Variants in GNG2 observed in about 807,000 individuals in gnomAD.
GNG2 encodes the protein guanine nucleotide-binding protein G(I)/G(S)/G(O) subunit gamma-2.
In GNG2, 5 loss-of-function variants were observed where a neutral mutation model predicts 5.5. The ratio of observed to expected loss-of-function variants is 0.91; its 90% confidence interval spans 0.48 to 1.92. The LOEUF (loss-of-function observed/expected upper bound fraction) is 1.92. GNG2 is among the 30% of genes most tolerant of loss of function. The pLI is 0.01. For synonymous variants in GNG2, 28 were observed against 32.0 expected, an observed-to-expected ratio of 0.88 and a Z score of 0.42; for missense variants, 55 against 88.4, an observed-to-expected ratio of 0.62 and a Z score of 1.52.
chr14:51,894,242 GTTTTA>G (rs1274120506), intron 2 of GNG2, among the ~76,000 whole-genome samples: 4 of 152,036 alleles, frequency 2.6e-5, no homozygotes, highest in Non-Finnish European at 5.9e-5. Context: ...ATATATCGTA[GTTTTA>G]TTTTAAAGTG....
At chr14:51,857,957 C>A (rs1472359571), upstream of GNG2, among the ~76,000 whole-genome samples, 1 of 152,164 alleles carries the variant, frequency 6.6e-6, no homozygotes, top group Non-Finnish European at 1.5e-5. Flanking sequence ...AAAATTATGT[C>A]CTCCTCATTA....
At chr14:51,879,686 C>A (rs372646295) in intron 2 of GNG2, among the ~76,000 whole-genome samples, 1 of 152,194 alleles carries the variant, frequency 6.6e-6, no homozygotes, top group African/African-American at 2.4e-5. Context: ...CCTCTCCATG[C>A]GTCTTTCTAC....
At chr14:51,863,430 A>C (rs1882659561) in intron 1 of GNG2, among the ~76,000 whole-genome samples, 1 of 152,108 alleles carries the variant, frequency 6.6e-6, no homozygotes, top group South Asian at 2.1e-4. Context: ...CTGAAATGTT[A>C]TTTTTTTCTT....
At chr14:51,929,923 C>T (rs777996072) in intron 2 of GNG2, among the ~76,000 whole-genome samples, 6 of 152,056 alleles carry the variant, frequency 3.9e-5, no homozygotes, top group South Asian at 2.1e-4. Flanking sequence ...ATTATCTGTC[C>T]CTGTCAGCCA....
upstream of GNG2, among the ~76,000 whole-genome samples, chr14:51,860,199 C>A (rs921519803): frequency 3.5e-5 from 5 of 141,460 alleles, no homozygotes; most frequent in African/African-American, 1.4e-4. Context: ...GGGGCCAGAA[C>A]CTGGCCAGGG....
At chr14:51,835,010 G>T (rs1019536574) in intron 2 of GNG2, among the ~76,000 whole-genome samples, 6 of 152,206 alleles carry the variant, frequency 3.9e-5, no homozygotes, top group Non-Finnish European at 7.3e-5. Context: ...AACCAAGGTA[G>T]CAGAATGTAA....
chr14:51,907,841 GTCTT>G (rs1458934880), intron 2 of GNG2, among the ~76,000 whole-genome samples: 1 of 152,132 alleles, frequency 6.6e-6, no homozygotes, highest in Non-Finnish European at 1.5e-5. Flanking sequence ...TTAGTTGCTG[GTCTT>G]TACCGATTTA....
intron 2 of GNG2, among the ~76,000 whole-genome samples, chr14:51,829,636 A>G (rs1217689142): frequency 1.3e-5 from 2 of 151,958 alleles, no homozygotes; most frequent in Admixed American, 6.6e-5. Flanking sequence ...TTTAGAGTAA[A>G]TCCCTTAAAA....
chr14:51,851,285 T>C (rs916966122), intron 2 of GNG2, among the ~76,000 whole-genome samples: 1 of 150,142 alleles, frequency 6.7e-6, no homozygotes, highest in Non-Finnish European at 1.5e-5. Flanking sequence ...CCCATATGCA[T>C]ACTCATCATT....
At chr14:51,883,591 G>A (rs951041874) in intron 2 of GNG2, among the ~76,000 whole-genome samples, 1 of 152,168 alleles carries the variant, frequency 6.6e-6, no homozygotes, top group Non-Finnish European at 1.5e-5. Flanking sequence ...TTCATGTTTG[G>A]TGTGTGAATT....
chr14:51,961,768 C>T (rs954034001), intron 3 of GNG2, among the ~76,000 whole-genome samples: 5 of 152,220 alleles, frequency 3.3e-5, no homozygotes, highest in East Asian at 1.9e-4. Context: ...GAATATGTGA[C>T]ACTCTGAGGC....
intron 2 of GNG2, among the ~76,000 whole-genome samples, chr14:51,847,910 T>G (rs6572798): frequency 1.5e-5 from 1 of 65,422 alleles, no homozygotes; most frequent in South Asian, 5.1e-4. Flanking sequence ...TTTTTTTTTG[T>G]AAAATGAAAA....
chr14:51,911,510 A>C (rs1438155387), intron 2 of GNG2, among the ~76,000 whole-genome samples: 1 of 151,634 alleles, frequency 6.6e-6, no homozygotes. Context: ...ATCTGAACTT[A>C]ATTTTCCTCA....
intron 1 of GNG2, among the ~76,000 whole-genome samples, chr14:51,826,731 C>T (rs1566636780): frequency 6.6e-6 from 1 of 152,084 alleles, no homozygotes; most frequent in Admixed American, 6.5e-5. Context: ...CTTGATGGGA[C>T]CAACGTTACT....
At chr14:51,849,805 CTTTTTTT>C (rs33966382) in intron 2 of GNG2, among the ~76,000 whole-genome samples, 2 of 122,016 alleles carry the variant, frequency 1.6e-5, no homozygotes, top group Non-Finnish European at 3.5e-5. Flanking sequence ...AAAGCAAATG[CTTTTTTT>C]TTTTTTTTTT....
At chr14:51,871,956 G>A (rs1883324078) in intron 1 of GNG2, among the ~76,000 whole-genome samples, 1 of 152,324 alleles carries the variant, frequency 6.6e-6, no homozygotes, top group South Asian at 2.1e-4. Context: ...CACATGCCTT[G>A]CCTTGGCCAG....
At position 51,868,027 on chromosome 14, in the gene GNG2, G is replaced by A. The variant is rs185890828; in HGVS notation, c.-71+7237G>A. 9.2e-5 allele frequency among the ~76,000 whole-genome samples: 14 copies of A among 152,200 alleles called. No homozygotes were observed. In the Middle Eastern group the frequency reaches 0.01, roughly 111 times the overall value. Reference sequence around the variant, plus strand: ...ATTTATTTAATGAACATTCTTGAGTGACTCATTTTTTGATGCAGAGTGGGC... The same window carrying A: ...ATTTATTTAATGAACATTCTTGAGTAACTCATTTTTTGATGCAGAGTGGGC... On this transcript the variant is annotated intron_variant, in intron 1 of 3. Coordinates refer to ENST00000556766, the MANE Select transcript of GNG2 (RefSeq NM_053064.5).
Position 51,945,786 on chromosome 14 carries a change from GTA to G in GNG2, c.-29-4862_-29-4861del, listed in dbSNP as rs1431862575. On this transcript the variant is annotated intron_variant, in intron 2 of 3. Coordinates refer to ENST00000556766, the MANE Select transcript of GNG2 (RefSeq NM_053064.5). The stretch of plus-strand genomic sequence containing the variant: ...GGGGTGTGTGCATGTATGTGTATGT[GTA>G]TGTGTGTGTGTGTGTGATGCAGGGT... Among the ~76,000 whole-genome samples, 6 of 112,336 alleles carry G rather than the reference GTA, an allele frequency of 5.3e-5. No individual in the cohort carries two copies. The South Asian group carries it at 1.5e-3, about 27-fold the overall frequency. 73.7% of individuals were successfully genotyped at this position (112,336 alleles called of 152,430 possible). A position where few individuals can be genotyped will look rare whatever the true frequency, so the allele number is the denominator to read the frequency against.
chr14:51,902,063 G>A (rs1337347299), intron 2 of GNG2, among the ~76,000 whole-genome samples: 1 of 149,734 alleles, frequency 6.7e-6, no homozygotes, highest in Non-Finnish European at 1.5e-5. Context: ...GTATATTTTA[G>A]GATATAGTTA....
Sources: gnomAD v4.1 joint callset for allele counts (sites outside exome capture counted in the v4.1 genomes callset) on GRCh38, gnomAD v4.1.1 for gene constraint, MANE v1.5 for transcripts, NCBI Gene and HGNC (gene_info 2026-07-23, HGNC 2026-07-21) for gene names.